The following RHBDD1 variants were observed in gnomAD, a reference collection of about 807,000 sequenced individuals.
RHBDD1 encodes rhomboid-related protein 4.
RHBDD1 carries 38 observed loss-of-function variants against 36.3 expected under a neutral mutation model. The observed-to-expected ratio is 1.05, with a 90% CI of 0.81 to 1.37. The LOEUF (loss-of-function observed/expected upper bound fraction) is 1.37, where lower values mean the gene tolerates loss of function less well. Among genes scored for constraint, RHBDD1 ranks in the 40% most tolerant of loss-of-function variants. The probability of loss-of-function intolerance (pLI) is 0.00; values close to 1 mark genes in which losing one functional copy is unlikely to be tolerated. For synonymous variants in RHBDD1, 151 were observed against 136.5 expected (o/e 1.11, Z -0.74); for missense variants, 393 against 377.6 (o/e 1.04, Z -0.34).
chr2:226,805,882 C>T, the RHBDD1 span, among the ~76,000 whole-genome samples: 7 of 152,260 alleles, frequency 4.6e-5, no homozygotes, highest in South Asian at 2.1e-4. Flanking sequence ...TCATTCTTCT[C>T]ACATCCCCTC....
the RHBDD1 span, among the ~76,000 whole-genome samples, chr2:226,805,859 C>T: frequency 0.16 from 24,663 of 152,086 alleles, 2,968 homozygotes; most frequent in African/African-American, 0.34. Flanking sequence ...ATTGCTAGGT[C>T]ACCATGTCCC....
intron 5 of RHBDD1, among the ~76,000 whole-genome samples, chr2:226,898,875 T>C (rs149821743): frequency 7.2e-4 from 109 of 152,362 alleles, no homozygotes; most frequent in African/African-American, 2.5e-3. Context: ...TCTAGCTGAC[T>C]GCCTCTTACC....
At chr2:226,900,850 C>G (rs960724214) in intron 5 of RHBDD1, among the ~76,000 whole-genome samples, 1 of 152,144 alleles carries the variant, frequency 6.6e-6, no homozygotes, top group Non-Finnish European at 1.5e-5. Flanking sequence ...TCTGTTACTT[C>G]AAGTAGTTAG....
intron 8 of RHBDD1, among the ~76,000 whole-genome samples, chr2:226,968,266 T>C (rs562343465): frequency 4.3e-4 from 65 of 152,242 alleles, no homozygotes; most frequent in African/African-American, 1.5e-3. Context: ...TGGAGACATA[T>C]ATTAAGAGCT....
the RHBDD1 span, among the ~76,000 whole-genome samples, chr2:226,806,499 T>A: frequency 1.3e-5 from 2 of 152,220 alleles, no homozygotes; most frequent in Non-Finnish European, 2.9e-5. Flanking sequence ...AGGAAATATA[T>A]GCAATATTAA....
upstream of RHBDD1, among the ~76,000 whole-genome samples, chr2:226,833,540 G>A (rs1940794721): frequency 1.3e-5 from 2 of 152,140 alleles, no homozygotes; most frequent in Admixed American, 6.5e-5. Context: ...CTTAATCATA[G>A]GTATTGCTGC....
intron 5 of RHBDD1, among the ~76,000 whole-genome samples, chr2:226,899,623 A>G (rs1200631146): frequency 6.6e-6 from 1 of 152,214 alleles, no homozygotes; most frequent in Non-Finnish European, 1.5e-5. Context: ...TAAAGAGAAA[A>G]TCTTTGAAAA....
At chr2:226,919,631 A>C (rs778302336) in intron 8 of RHBDD1, among the ~76,000 whole-genome samples, 1 of 151,926 alleles carries the variant, frequency 6.6e-6, no homozygotes, top group Non-Finnish European at 1.5e-5. Context: ...TGAGATCAAC[A>C]TAAATGTATG....
intron 5 of RHBDD1, among the ~76,000 whole-genome samples, chr2:226,890,532 A>G (rs888619192): frequency 6.6e-6 from 1 of 152,174 alleles, no homozygotes; most frequent in Non-Finnish European, 1.5e-5. Flanking sequence ...TGGAGCTGAA[A>G]TAGAGTGTTT....
rs941589381 is a variant in RHBDD1, at chr2:226,998,891, A to T, written c.*3369A>T. 1 of 152,210 alleles carries T rather than the reference A, an allele frequency of 6.6e-6. No homozygotes were observed. Among genetic ancestry groups the T allele is most frequent in the Non-Finnish European group, 1.5e-5 (1 of 68,072 alleles). The allele number at this position is 152,210 out of a possible 1,614,324, so 9.4% of individuals were successfully genotyped here. On this transcript the variant is annotated 3_prime_UTR_variant, in exon 9 of 9. Coordinates refer to ENST00000392062, the MANE Select transcript of RHBDD1 (RefSeq NM_001167608.3). ...AGGCTGGTAACTAGTCTCACTGCTC[A>T]GGCTGTGAGTGTTCCTGATCTTGTG...
intron 5 of RHBDD1, chr2:226,895,685 A>C: frequency 1.0e-6 from 1 of 985,370 alleles, no homozygotes; most frequent in Non-Finnish European, 1.2e-6. Flanking sequence ...ATAGCAACAC[A>C]GATCCTAAAG....
intron 5 of RHBDD1, among the ~76,000 whole-genome samples, chr2:226,895,434 C>T (rs192612181): frequency 4.6e-5 from 7 of 152,120 alleles, no homozygotes; most frequent in African/African-American, 7.2e-5. Context: ...GGATTGTGGT[C>T]GGTGGGAGCT....
At chr2:226,979,681 G>A (rs1011759832) in intron 8 of RHBDD1, among the ~76,000 whole-genome samples, 1 of 152,198 alleles carries the variant, frequency 6.6e-6, no homozygotes, top group African/African-American at 2.4e-5. Context: ...CAATCCACTG[G>A]ATGGTGCCCA....
chr2:226,934,064 A>G (rs913877445), intron 8 of RHBDD1, among the ~76,000 whole-genome samples: 4 of 152,178 alleles, frequency 2.6e-5, no homozygotes, highest in African/African-American at 7.2e-5. Flanking sequence ...CCAGTACCCC[A>G]GAGAAACATC....
chr2:226,854,623 G>T (rs181517377), intron 3 of RHBDD1, among the ~76,000 whole-genome samples: 35 of 142,198 alleles, frequency 2.5e-4, no homozygotes, highest in African/African-American at 9.1e-4. Flanking sequence ...AAAAAAAGGC[G>T]CTTACCTAAT....
intron 3 of RHBDD1, among the ~76,000 whole-genome samples, chr2:226,857,479 A>G (rs937554834): frequency 2.0e-5 from 3 of 152,206 alleles, no homozygotes; most frequent in Non-Finnish European, 4.4e-5. Flanking sequence ...AAAATTGTAC[A>G]TGAATGTTTA....
chr2:226,966,937 G>A (rs1049315849), intron 8 of RHBDD1, among the ~76,000 whole-genome samples: 3 of 152,004 alleles, frequency 2.0e-5, no homozygotes, highest in Non-Finnish European at 4.4e-5. Context: ...TGAGACCCGG[G>A]ATTATGTGTT....
At chr2:226,990,850 A>G (rs1477164108) in intron 8 of RHBDD1, among the ~76,000 whole-genome samples, 1 of 152,146 alleles carries the variant, frequency 6.6e-6, no homozygotes, top group African/African-American at 2.4e-5. Context: ...TCCATTGACA[A>G]AAACACAGAG....
chr2:226,963,540 C>A (rs763959020), intron 8 of RHBDD1, among the ~76,000 whole-genome samples: 5 of 152,304 alleles, frequency 3.3e-5, no homozygotes, highest in Non-Finnish European at 7.4e-5. Context: ...TCCCAGTGTT[C>A]TTTGTCTTCC....
Sources: gnomAD v4.1 joint callset for allele counts (sites outside exome capture counted in the v4.1 genomes callset) on GRCh38, gnomAD v4.1.1 for gene constraint, MANE v1.5 for transcripts, NCBI Gene and HGNC (gene_info 2026-07-23, HGNC 2026-07-21) for gene names.